Variants in MAP3K1 observed in about 807,000 individuals in gnomAD.
The protein encoded by MAP3K1 is MAP/ERK kinase kinase 1.
MAP3K1 carries 36 observed loss-of-function variants against 144.2 expected under a neutral mutation model. The observed-to-expected ratio is 0.25, with a 90% CI of 0.19 to 0.33. The LOEUF (loss-of-function observed/expected upper bound fraction) is 0.33, where lower values mean the gene tolerates loss of function less well. Ranked by LOEUF, MAP3K1 falls within the 10% of genes least tolerant of loss-of-function variation. The pLI is 1.00. For missense variants in MAP3K1, 1,650 were observed against 1,881.9 expected (o/e 0.88, Z 2.28); for synonymous variants, 718 against 688.7 (o/e 1.04, Z -0.67).
chr5:56,891,478 T>C (rs1189032064), intron 19 of MAP3K1, among the ~76,000 whole-genome samples: 1 of 152,186 alleles, frequency 6.6e-6, no homozygotes, highest in Non-Finnish European at 1.5e-5. Flanking sequence ...TTTTCTCCCA[T>C]TCTGTAGGTT....
At chr5:56,862,343 G>A in intron 3 of MAP3K1, among the ~76,000 whole-genome samples, 1 of 152,150 alleles carries the variant, frequency 6.6e-6, no homozygotes. Flanking sequence ...ATTGTCCAAA[G>A]CTAGTTGCAT....
rs200572098 is a variant in MAP3K1, at chr5:56,859,816, C to G, written c.735C>G (p.Ser245=). 1.4e-4 allele frequency: 220 copies of G among 1,614,006 alleles called. No homozygotes were observed. The highest frequency in any genetic ancestry group is 1.1e-3 in the South Asian group (96 of 91,058). The change falls in exon 3 of 20, where the codon TCC becomes TCG. Residue 245 remains serine, a synonymous_variant. Transcript: ENST00000399503. ...AGGCAAGTGCGGCTTCACCAGCTTC[C>G]AAAGGCCGACGCAGTCCTTCTCCTG... ...EVQASAASPA[S]KGRRSPSPGN... is the part of the protein sequence containing the mutation.
At chr5:56,860,802 T>G (rs1048186768) in intron 3 of MAP3K1, among the ~76,000 whole-genome samples, 1 of 151,376 alleles carries the variant, frequency 6.6e-6, no homozygotes, top group African/African-American at 2.4e-5. Flanking sequence ...GCAGTGAGCC[T>G]AGATTACACC....
intron 4 of MAP3K1, 114 bp downstream of exon 4, chr5:56,865,048 GTTAAAC>G (rs1397142831): frequency 1.3e-5 from 13 of 1,027,396 alleles, no homozygotes; most frequent in African/African-American, 1.6e-5. Flanking sequence ...AGTAAACAAA[GTTAAAC>G]TTAAAATGTA....
chr5:56,876,753 A>G (rs1197370320), intron 10 of MAP3K1, among the ~76,000 whole-genome samples: 2 of 152,218 alleles, frequency 1.3e-5, no homozygotes, highest in Non-Finnish European at 2.9e-5. Flanking sequence ...TAGGTTTGAA[A>G]TTAGATTATG....
At chr5:56,891,342 C>T (rs974718155) in intron 19 of MAP3K1, among the ~76,000 whole-genome samples, 16 of 152,006 alleles carry the variant, frequency 1.1e-4, no homozygotes, top group African/African-American at 3.9e-4. Context: ...CATTTTTTAA[C>T]CCAAAGCATT....
In MAP3K1 at chr5:56,856,707, G is replaced by T; in HGVS notation, c.590G>T (p.Trp197Leu). The T allele has an allele frequency of 6.2e-7, 1 of 1,614,054 alleles. No individual in the cohort carries two copies. Among genetic ancestry groups the T allele is most frequent in the Non-Finnish European group, 8.5e-7 (1 of 1,179,940 alleles). ...EKLKATCMPA[W>L]KHEWLERRNR... Reference sequence around the variant, plus strand: ...CTGAAGGCAACCTGTATGCCAGCCTGGAAGCACGAATGGTTGGAAAGGAGA... The same window carrying T: ...CTGAAGGCAACCTGTATGCCAGCCTTGAAGCACGAATGGTTGGAAAGGAGA... The change falls in exon 2 of 20, where the codon TGG (tryptophan) becomes TTG (leucine). Residue 197 changes from tryptophan to leucine, a missense_variant. Transcript: ENST00000399503.
At chr5:56,825,459 TG>T (rs1561162966) in intron 1 of MAP3K1, among the ~76,000 whole-genome samples, 1 of 152,182 alleles carries the variant, frequency 6.6e-6, no homozygotes, top group East Asian at 1.9e-4. Context: ...TAAGACATCT[TG>T]GCTTTTGTGA....
chr5:56,864,403 AG>A (rs1747611747), intron 3 of MAP3K1, among the ~76,000 whole-genome samples: 1 of 132,316 alleles, frequency 7.6e-6, no homozygotes, highest in Non-Finnish European at 1.6e-5. Context: ...TTTGAGATGG[AG>A]CCTCGCTCTG....
intron 1 of MAP3K1, among the ~76,000 whole-genome samples, chr5:56,843,603 A>C (rs1004020881): frequency 2.0e-5 from 3 of 152,138 alleles, no homozygotes; most frequent in African/African-American, 7.2e-5. Context: ...GCAGAGAATG[A>C]GTGGACTGGA....
chr5:56,828,635 A>C (rs901324654), intron 1 of MAP3K1, among the ~76,000 whole-genome samples: 2 of 152,364 alleles, frequency 1.3e-5, no homozygotes, highest in African/African-American at 4.8e-5. Flanking sequence ...TTATTTTGCA[A>C]ATTGGAGAAA....
Position 56,893,481 on chromosome 5 carries a change from A to G in MAP3K1, c.4390-50A>G, listed in dbSNP as rs1199516588. On this transcript the variant is annotated intron_variant, in intron 19 of 19. Coordinates refer to ENST00000399503, the MANE Select transcript of MAP3K1 (RefSeq NM_005921.2). Reference sequence around the variant, plus strand: ...GAGGTCTATGCACATGTGTTTCTGTATCAGAAGTTACAGTTGTGCAAAGCT... The same window carrying G: ...GAGGTCTATGCACATGTGTTTCTGTGTCAGAAGTTACAGTTGTGCAAAGCT... 9.4e-6 allele frequency: 15 copies of G among 1,595,180 alleles called. No homozygotes were observed. The African/African-American group carries it at 1.9e-4, about 20-fold the overall frequency.
intron 1 of MAP3K1, among the ~76,000 whole-genome samples, chr5:56,828,333 A>G (rs1226980766): frequency 1.3e-5 from 2 of 152,190 alleles, no homozygotes; most frequent in Non-Finnish European, 2.9e-5. Context: ...CTCATCTGTG[A>G]AAAGAAAAGG....
At chr5:56,829,011 A>G (rs186277630) in intron 1 of MAP3K1, among the ~76,000 whole-genome samples, 186 of 152,254 alleles carry the variant, frequency 1.2e-3, no homozygotes, top group African/African-American at 4.1e-3. Flanking sequence ...GCTACTAGAA[A>G]ATGCAACTGC....
rs1362915612 is a variant in MAP3K1 at position 56,875,097 on chromosome 5, C to A, written c.1752C>A (p.Leu584=). The change falls in exon 10 of 20, where the codon CTC becomes CTA. Residue 584 remains leucine (L), a synonymous_variant. Coordinates refer to ENST00000399503, the MANE Select transcript of MAP3K1 (RefSeq NM_005921.2). ...SRNWNVREMA[L]RRLSHDVSGA... ...ACTGGAATGTGAGAGAGATGGCCCTCAGGCGTCTTTCCCATGATGTCAGTG... is the reference window on the plus strand; with the variant it reads ...ACTGGAATGTGAGAGAGATGGCCCTAAGGCGTCTTTCCCATGATGTCAGTG... 6.2e-7 allele frequency: 1 copy of A among 1,614,082 alleles called. No homozygotes were observed. The highest frequency in any genetic ancestry group is 8.5e-7 in the Non-Finnish European group (1 of 1,180,034).
At chr5:56,859,082 AAAG>A (rs1294781496) in intron 2 of MAP3K1, among the ~76,000 whole-genome samples, 2 of 151,730 alleles carry the variant, frequency 1.3e-5, no homozygotes, top group East Asian at 3.9e-4. Context: ...AAAAAAAAAA[AAAG>A]GCAGGTCTTG....
At chr5:56,830,366 GTC>G (rs1221214235) in intron 1 of MAP3K1, among the ~76,000 whole-genome samples, 2 of 151,970 alleles carry the variant, frequency 1.3e-5, no homozygotes, top group Admixed American at 1.3e-4. Context: ...CCCAAGTTCC[GTC>G]TCTGTTTCTT....
chr5:56,850,574 C>A (rs1173103751), intron 1 of MAP3K1, among the ~76,000 whole-genome samples: 1 of 152,156 alleles, frequency 6.6e-6, no homozygotes, highest in Non-Finnish European at 1.5e-5. Flanking sequence ...CAGGTGCTGA[C>A]TTCTTGTAAA....
At chr5:56,827,964 T>C (rs932361740) in intron 1 of MAP3K1, among the ~76,000 whole-genome samples, 1 of 152,066 alleles carries the variant, frequency 6.6e-6, no homozygotes, top group Admixed American at 6.6e-5. Context: ...GTCTCTAAAA[T>C]GGGGTCGTTG....
Sources: allele counts gnomAD v4.1 joint callset (sites outside exome capture counted in the v4.1 genomes callset), GRCh38; gene constraint gnomAD v4.1.1; transcripts MANE v1.5; gene names NCBI Gene and HGNC (gene_info 2026-07-23, HGNC 2026-07-21).